Variants in GYS1 observed in about 807,000 individuals in gnomAD.
GYS1 encodes glycogen [starch] synthase, muscle.
GYS1 carries 60 observed loss-of-function variants against 89.1 expected under a neutral mutation model. The ratio of observed to expected loss-of-function variants is 0.67; its 90% confidence interval spans 0.55 to 0.84. GYS1 has a LOEUF of 0.84. Ranked by LOEUF, GYS1 falls within the 40% of genes least tolerant of loss-of-function variation. The pLI, the probability that GYS1 is intolerant of heterozygous loss-of-function variation, is 0.00. For missense variants in GYS1, 888 were observed against 1,003.1 expected (o/e 0.89, Z 1.55); for synonymous variants, 366 against 401.7 (o/e 0.91, Z 1.06).
chr19:48,970,683 G>T lies in GYS1; in HGVS notation c.1672C>A (p.Arg558Ser), dbSNP rs370992600. ...YGIYILDRRF[R>S]SLDDSCSQLT... ...TGCGAGCAGGAATCATCCAGGCTGCGGAACCGCCGGTCAAGAATGTAGATA... is the reference window on the plus strand; with the variant it reads ...TGCGAGCAGGAATCATCCAGGCTGCTGAACCGCCGGTCAAGAATGTAGATA... Residue 558 changes from arginine to serine, a missense_variant, in exon 14 of 16, where the codon CGC becomes AGC. Arg to Ser is a moderately radical substitution (Grantham distance 110, BLOSUM62 -1). Transcript: ENST00000323798. 6 of 1,613,810 alleles carry T rather than the reference G, an allele frequency of 3.7e-6. No individual in the cohort carries two copies. In the African/African-American group the frequency reaches 8.0e-5, roughly 22 times the overall value.
chr19:48,971,398 T>C (rs2038563887), intron 12 of GYS1, among the ~76,000 whole-genome samples: 1 of 152,134 alleles, frequency 6.6e-6, no homozygotes, highest in Admixed American at 6.6e-5. Flanking sequence ...TGCCAGTATC[T>C]TGTACGGACT....
intron 4 of GYS1, 76 bp from the exon 5 acceptor site, chr19:48,985,681 A>G: frequency 1.9e-6 from 3 of 1,572,646 alleles, no homozygotes; most frequent in Non-Finnish European, 2.6e-6. Flanking sequence ...TGGGGTCCCA[A>G]GAGAAATTGG....
At chr19:48,970,810 G>A (rs888431613) in intron 13 of GYS1, 101 bp from the exon 14 acceptor site, 20 of 1,417,510 alleles carry the variant, frequency 1.4e-5, no homozygotes, top group Non-Finnish European at 1.9e-5. Flanking sequence ...AGCGGCCCGA[G>A]AGCCCCCCCA....
At chr19:48,992,835 C>T (rs1195845070) in intron 1 of GYS1, among the ~76,000 whole-genome samples, 160 bp downstream of exon 1, 1 of 152,092 alleles carries the variant, frequency 6.6e-6, no homozygotes, top group Admixed American at 6.6e-5. Flanking sequence ...CATCCCTCTC[C>T]CACCCACCTC....
Position 48,969,564 on chromosome 19 carries a change from G to C in GYS1, c.1938C>G (p.Pro646=), listed in dbSNP as rs1236569890. Residue 646 remains proline (P), a synonymous_variant, in exon 16 of 16, where the codon CCC becomes CCG. Coordinates refer to ENST00000323798, the MANE Select transcript of GYS1 (RefSeq NM_002103.5). ...GCGGGCTGGAGTGTCGTGACAGCGAGGGCGACGGTGGCACCGAGGCTGGCC... is the reference window on the plus strand; with the variant it reads ...GCGGGCTGGAGTGTCGTGACAGCGACGGCGACGGTGGCACCGAGGCTGGCC... ...YPRPASVPPS[P]SLSRHSSPHQ... 6.5e-7 allele frequency: 1 copy of C among 1,539,122 alleles called. No individual in the cohort carries two copies. Among genetic ancestry groups the C allele is most frequent in the Middle Eastern group, 2.2e-4 (1 of 4,646 alleles).
Position 48,969,212 on chromosome 19 carries a change from T to C in GYS1, c.*76A>G. The C allele has an allele frequency of 7.5e-7, 1 of 1,328,644 alleles. No individual in the cohort carries two copies. The highest frequency in any genetic ancestry group is 2.5e-5 in the East Asian group (1 of 39,588). The allele number at this position is 1,328,644 out of a possible 1,614,324, so 82.3% of individuals were successfully genotyped here. ...ACCCAGTGCAGATCTGGAGCGGGGG[T>C]TTAGGAGCAGCACCCCTCTGCATCC... On this transcript the variant is annotated 3_prime_UTR_variant, in exon 16 of 16. Coordinates refer to ENST00000323798, the MANE Select transcript of GYS1 (RefSeq NM_002103.5).
rs777178030 is a variant in GYS1, at chr19:48,979,336, C to CTTTTTTTTTTTTTTTTTT, written c.1170-1197_1170-1180dup. On this transcript the variant is annotated intron_variant, in intron 8 of 15. Transcript: ENST00000323798. ...TTTGTCTCTTTTTCTTTTTTCTTTT[C>CTTTTTTTTTTTTTTTTTT]TTTTTTTTTTTTTTTTTTTTTTTTT... 3.7e-3 allele frequency among the ~76,000 whole-genome samples: 338 copies of CTTTTTTTTTTTTTTTTTT among 92,522 alleles called. 39 individuals carry two copies. Among genetic ancestry groups the CTTTTTTTTTTTTTTTTTT allele is most frequent in the Non-Finnish European group, 5.4e-3 (242 of 44,754 alleles). The allele number at this position is 92,522 out of a possible 152,430, so 60.7% of individuals were successfully genotyped here. A position where few individuals can be genotyped will look rare whatever the true frequency, so the allele number is the denominator to read the frequency against.
In GYS1 at chr19:48,969,308, G is replaced by A. The variant is rs1461026760; in HGVS notation, c.2194C>T (p.Leu732=). The A allele has an allele frequency of 1.3e-6, 2 of 1,571,994 alleles. No homozygotes were observed. Among genetic ancestry groups the A allele is most frequent in the Admixed American group, 1.8e-5 (1 of 56,010 alleles). The stretch of plus-strand genomic sequence containing the variant: ...CGGACTTAGTTACGCTCCTCGCCCA[G>A]GGAGCTGGTGGGGCTGAGGGGCTCG... The part of the protein sequence containing the change: ...PSEPLSPTSS[L]GEERN The change falls in exon 16 of 16, where the codon CTG becomes TTG. Residue 732 remains leucine (L), a synonymous_variant. Coordinates refer to ENST00000323798, the MANE Select transcript of GYS1 (RefSeq NM_002103.5).
intron 13 of GYS1, 45 bp from the exon 14 acceptor site, chr19:48,970,754 CTT>C: frequency 1.3e-6 from 2 of 1,586,738 alleles, no homozygotes; most frequent in Non-Finnish European, 1.7e-6. Context: ...CTGGGGAGAT[CTT>C]CATGGTCTCC....
At chr19:48,988,270 T>C (rs1346519817) in intron 2 of GYS1, among the ~76,000 whole-genome samples, 1 of 152,194 alleles carries the variant, frequency 6.6e-6, no homozygotes, top group African/African-American at 2.4e-5. Flanking sequence ...GCTGCCACAT[T>C]TCTCTTACCA....
At chr19:48,982,599 C>T in intron 6 of GYS1, 121 bp downstream of exon 6, 1 of 877,660 alleles carries the variant, frequency 1.1e-6, no homozygotes, top group Non-Finnish European at 1.9e-6. Context: ...AGGCCGAATA[C>T]CCAGGTGCCC....
At chr19:48,977,867 G>T in intron 10 of GYS1, 57 bp downstream of exon 10, 1 of 1,351,396 alleles carries the variant, frequency 7.4e-7, no homozygotes, top group Non-Finnish European at 1.1e-6. Flanking sequence ...GGCCTGGCAA[G>T]CTGCCTCTGG....
At chr19:48,981,424 C>T in intron 8 of GYS1, 106 bp downstream of exon 8, 1 of 749,606 alleles carries the variant, frequency 1.3e-6, no homozygotes, top group Non-Finnish European at 2.4e-6. Flanking sequence ...AACAAACAAA[C>T]AAACAAACAA....
chr19:48,982,884 C>A, intron 5 of GYS1, 47 bp from the exon 6 acceptor site: 1 of 1,263,636 alleles, frequency 7.9e-7, no homozygotes, highest in South Asian at 1.2e-5. Flanking sequence ...TCATTCAGAT[C>A]AATGTTGTGG....
rs995114485 is a variant in GYS1 at position 48,969,046 on chromosome 19, G to A, written c.*242C>T. On this transcript the variant is annotated 3_prime_UTR_variant, in exon 16 of 16. Coordinates refer to ENST00000323798, the MANE Select transcript of GYS1 (RefSeq NM_002103.5). ...CCTCTGGGAAGCGGTCCAGGCCCAG[G>A]GGACTCCAGGGCGCTGATTATGCAT... The A allele has an allele frequency of 1.1e-5, 7 of 656,766 alleles. No individual in the cohort carries two copies. The East Asian group carries it at 1.1e-4, about 11-fold the overall frequency. The allele number at this position is 656,766 out of a possible 1,614,324, so 40.7% of individuals were successfully genotyped here.
intron 14 of GYS1, chr19:48,970,226 G>A (rs574442567): frequency 2.2e-4 from 97 of 443,568 alleles, no homozygotes; most frequent in African/African-American, 1.6e-3. Flanking sequence ...CGGGGCTCAA[G>A]CGACCCTACC....
chr19:48,968,647 T>G lies in GYS1; in HGVS notation c.*641A>C, dbSNP rs776859932. On this transcript the variant is annotated 3_prime_UTR_variant, in exon 16 of 16. Transcript: ENST00000323798. The stretch of plus-strand genomic sequence containing the variant: ...GCCAAGTGGTTCTACCACCTCTTGC[T>G]TGGCCAAAGTGTAGGGGATGACAGG... The G allele has an allele frequency of 2.2e-6, 1 of 454,198 alleles. No homozygotes were observed. The highest frequency in any genetic ancestry group is 4.4e-6 in the Non-Finnish European group (1 of 226,792). 28.1% of individuals were successfully genotyped at this position (454,198 alleles called of 1,614,324 possible).
Position 48,968,159 on chromosome 19 carries a change from T to G in GYS1, c.*1129A>C. The G allele has an allele frequency of 1.3e-5, 6 of 452,004 alleles. No homozygotes were observed. The highest frequency in any genetic ancestry group is 2.7e-5 in the Non-Finnish European group (6 of 225,458). The allele number at this position is 452,004 out of a possible 1,614,324, so 28.0% of individuals were successfully genotyped here. A position where few individuals can be genotyped will look rare whatever the true frequency, so the allele number is the denominator to read the frequency against. On this transcript the variant is annotated 3_prime_UTR_variant, in exon 16 of 16. Coordinates refer to ENST00000323798, the MANE Select transcript of GYS1 (RefSeq NM_002103.5). ...TAAATATAGATGTATTTTTTTCATC[T>G]CATCTCCGGACACACTCCAATCACA...
chr19:48,982,699 C>A, intron 6 of GYS1, 21 bp downstream of exon 6: 1 of 1,476,734 alleles, frequency 6.8e-7, no homozygotes. Flanking sequence ...CTCTTAAGAC[C>A]TAGGTATATG....
Sources: allele counts gnomAD v4.1 joint callset (sites outside exome capture counted in the v4.1 genomes callset), GRCh38; gene constraint gnomAD v4.1.1; transcripts MANE v1.5; gene names NCBI Gene and HGNC (gene_info 2026-07-23, HGNC 2026-07-21).